PEPD: variants seen among roughly 807,000 people sequenced by gnomAD.
PEPD encodes the protein xaa-Pro dipeptidase.
In PEPD, 53 loss-of-function variants were observed where a neutral mutation model predicts 60.7. That is an observed-to-expected ratio of 0.87 (90% confidence interval 0.70 to 1.10). PEPD has a LOEUF of 1.10. PEPD is among the 50% of genes least tolerant of loss of function. The pLI, the probability that PEPD is intolerant of heterozygous loss-of-function variation, is 0.00. For synonymous variants in PEPD, 267 were observed against 284.1 expected, an observed-to-expected ratio of 0.94 and a Z score of 0.60; for missense variants, 711 against 711.9, an observed-to-expected ratio of 1.00 and a Z score of 0.01.
At chr19:33,499,083 G>C (rs775392354) in intron 4 of PEPD, among the ~76,000 whole-genome samples, 24 of 152,176 alleles carry the variant, frequency 1.6e-4, no homozygotes, top group African/African-American at 4.8e-5. Context: ...CTCCACTTCT[G>C]AGACATACAA....
intron 9 of PEPD, among the ~76,000 whole-genome samples, chr19:33,422,838 CCA>C (rs1568463739): frequency 1.6e-4 from 13 of 82,728 alleles, no homozygotes; most frequent in Non-Finnish European, 3.8e-4. Context: ...ATCTATCTAT[CCA>C]TCTATCCATC....
rs150687286 is a variant in PEPD at position 33,494,916 on chromosome 19, C to T, written c.394-1579G>A. 3.3e-4 allele frequency among the ~76,000 whole-genome samples: 50 copies of T among 152,248 alleles called. 1 individual carries two copies. The East Asian group carries it at 8.5e-3, about 26-fold the overall frequency. On this transcript the variant is annotated intron_variant, in intron 4 of 14. Coordinates refer to ENST00000244137, the MANE Select transcript of PEPD (RefSeq NM_000285.4). ...TTGGGAGGACAGGGCAGGCAGATCA[C>T]GAGGTCAGGAGATCGAGACCATCCT...
intron 11 of PEPD, among the ~76,000 whole-genome samples, chr19:33,402,893 G>C (rs1447223718): frequency 6.6e-6 from 1 of 152,202 alleles, no homozygotes; most frequent in Admixed American, 6.5e-5. Flanking sequence ...TGGTGGCTGG[G>C]GCTGCCCTCT....
intron 3 of PEPD, among the ~76,000 whole-genome samples, chr19:33,508,995 T>C (rs141337332): frequency 1.7e-3 from 261 of 152,244 alleles, no homozygotes; most frequent in African/African-American, 6.1e-3. Flanking sequence ...CAGACCCACT[T>C]GCAAGCCCCA....
Position 33,463,935 on chromosome 19 carries a change from C to T in PEPD, c.624+52G>A, listed in dbSNP as rs367931621. 69 of 1,252,944 alleles carry T rather than the reference C, an allele frequency of 5.5e-5. No homozygotes were observed. The African/African-American group carries it at 7.6e-4, about 14-fold the overall frequency. The allele number at this position is 1,252,944 out of a possible 1,614,324, so 77.6% of individuals were successfully genotyped here. On this transcript the variant is annotated intron_variant, in intron 8 of 14. Transcript: ENST00000244137. ...CCTTCATCCTCACGCAGTTCTCTCG[C>T]CACACAGCAACACTGCTTTCCCCAC...
At chr19:33,502,296 G>A in intron 3 of PEPD, among the ~76,000 whole-genome samples, 1 of 152,190 alleles carries the variant, frequency 6.6e-6, no homozygotes, top group East Asian at 1.9e-4. Flanking sequence ...CAGTGTTACA[G>A]TCACCAGGTG....
chr19:33,498,238 G>A (rs906645298), intron 4 of PEPD, among the ~76,000 whole-genome samples: 2 of 152,142 alleles, frequency 1.3e-5, no homozygotes, highest in Admixed American at 6.5e-5. Context: ...TGGCGTTGAC[G>A]GGGTGCGGTG....
At chr19:33,473,471 T>C (rs1324777637) in intron 7 of PEPD, among the ~76,000 whole-genome samples, 1 of 152,188 alleles carries the variant, frequency 6.6e-6, no homozygotes, top group Non-Finnish European at 1.5e-5. Flanking sequence ...GCCTGATTAA[T>C]GCATGCAGGA....
At position 33,405,320 on chromosome 19, in the gene PEPD, T is replaced by C. The variant is rs374136191; in HGVS notation, c.819-3451A>G. ...CTTGGGAACAGTTTTCTGGGGGAAA[T>C]GCTGCAATGTTTATATGAGAGCCAC... is the stretch of plus-strand genomic sequence containing the variant. On this transcript the variant is annotated intron_variant, in intron 11 of 14. Transcript: ENST00000244137. 3.1e-4 allele frequency among the ~76,000 whole-genome samples: 47 copies of C among 152,332 alleles called. No individual in the cohort carries two copies. In the South Asian group the frequency reaches 5.0e-3, roughly 16 times the overall value.
At chr19:33,456,058 T>G (rs1969792721) in intron 9 of PEPD, among the ~76,000 whole-genome samples, 1 of 152,182 alleles carries the variant, frequency 6.6e-6, no homozygotes, top group Non-Finnish European at 1.5e-5. Context: ...GGACACCAAG[T>G]TGGTTTTCTC....
At chr19:33,406,097 C>T (rs1968617504) in intron 11 of PEPD, among the ~76,000 whole-genome samples, 1 of 152,232 alleles carries the variant, frequency 6.6e-6, no homozygotes, top group Non-Finnish European at 1.5e-5. Flanking sequence ...GGACAGCTGC[C>T]AGGAAAGCAC....
rs573234613 is a variant in PEPD, at chr19:33,417,250, A to G, written c.672-3607T>C. On this transcript the variant is annotated intron_variant, in intron 9 of 14. Transcript: ENST00000244137. ...ATTCCCTTTCCCCGGCTGGGCCTCA[A>G]TGGATCTCAGGTACTCAAGAGGTGG... Among the ~76,000 whole-genome samples, 4 of 152,338 alleles carry G rather than the reference A, an allele frequency of 2.6e-5. No homozygotes were observed. In the East Asian group the frequency reaches 5.8e-4, roughly 22 times the overall value.
At chr19:33,504,326 G>A (rs954944446) in intron 3 of PEPD, among the ~76,000 whole-genome samples, 2 of 152,218 alleles carry the variant, frequency 1.3e-5, no homozygotes, top group African/African-American at 4.8e-5. Context: ...CCCCTGAGGG[G>A]CTCTGGACTC....
At chr19:33,418,044 C>T (rs538724041) in intron 9 of PEPD, among the ~76,000 whole-genome samples, 4 of 152,310 alleles carry the variant, frequency 2.6e-5, no homozygotes, top group Non-Finnish European at 2.9e-5. Context: ...TTCACAGCTG[C>T]CCCTCGCCCT....
chr19:33,412,267 A>G (rs1462457614), intron 10 of PEPD, among the ~76,000 whole-genome samples: 2 of 152,188 alleles, frequency 1.3e-5, no homozygotes, highest in Non-Finnish European at 2.9e-5. Context: ...GGATCACCTG[A>G]GCCTGGGAAG....
At chr19:33,508,680 A>G (rs892745064) in intron 3 of PEPD, among the ~76,000 whole-genome samples, 1 of 152,164 alleles carries the variant, frequency 6.6e-6, no homozygotes, top group Admixed American at 6.5e-5. Flanking sequence ...CAAGTACCCC[A>G]TGGGAGAGAA....
chr19:33,419,897 G>A (rs1040794327), intron 9 of PEPD, among the ~76,000 whole-genome samples: 25 of 152,262 alleles, frequency 1.6e-4, no homozygotes, highest in African/African-American at 6.0e-4. Flanking sequence ...CCCAGAAGGG[G>A]GGATCCGCCA....
intron 1 of PEPD, among the ~76,000 whole-genome samples, chr19:33,515,067 T>G (rs550199002): frequency 6.6e-6 from 1 of 152,252 alleles, no homozygotes; most frequent in African/African-American, 2.4e-5. Context: ...GCCCGCCGCC[T>G]CGGGTGGAAA....
At chr19:33,510,974 C>A in intron 3 of PEPD, 54 bp downstream of exon 3, 1 of 1,585,554 alleles carries the variant, frequency 6.3e-7, no homozygotes, top group East Asian at 2.3e-5. Flanking sequence ...CCTCCCCTAC[C>A]CACCCCCAGC....
Sources: allele counts gnomAD v4.1 joint callset (sites outside exome capture counted in the v4.1 genomes callset), GRCh38; gene constraint gnomAD v4.1.1; transcripts MANE v1.5; gene names NCBI Gene and HGNC (gene_info 2026-07-23, HGNC 2026-07-21).